DARS1: variants seen among roughly 807,000 people sequenced by gnomAD.
The protein encoded by DARS1 is aspartate--tRNA ligase, cytoplasmic.
In DARS1, 51 loss-of-function variants were observed where a neutral mutation model predicts 68.8. That is an observed-to-expected ratio of 0.74 (90% CI 0.59 to 0.94). DARS1 has a LOEUF of 0.94. DARS1 is among the 40% of genes least tolerant of loss of function. The pLI, the probability that DARS1 is intolerant of heterozygous loss-of-function variation, is 0.00. For missense variants in DARS1, 607 were observed against 597.3 expected, an observed-to-expected ratio of 1.02 and a Z score of -0.17; for synonymous variants, 203 against 190.4, an observed-to-expected ratio of 1.07 and a Z score of -0.55.
Position 135,961,436 on chromosome 2 carries a change from C to T in DARS1, c.280G>A (p.Gly94Arg). The T allele has an allele frequency of 6.5e-7, 1 of 1,546,330 alleles. No homozygotes were observed. The highest frequency in any genetic ancestry group is 8.9e-7 in the Non-Finnish European group (1 of 1,118,108). Residue 94 changes from glycine to arginine, a missense_variant, in exon 4 of 16, where the codon GGA (glycine) becomes AGA (arginine). By Grantham distance (125) the Gly-to-Arg change is moderately radical (BLOSUM62 -2). Transcript: ENST00000264161. ...QFNVQALVAV[G>R]DHASKQMVKF... ...ACCATCTGCTTGCTTGCATGGTCTCCCACCGCCACAAGAGCCTGGACATTA... is the reference window on the plus strand; with the variant it reads ...ACCATCTGCTTGCTTGCATGGTCTCTCACCGCCACAAGAGCCTGGACATTA...
intron 5 of DARS1, among the ~76,000 whole-genome samples, chr2:135,936,641 G>A (rs1054037416): frequency 6.6e-6 from 1 of 152,132 alleles, no homozygotes; most frequent in African/African-American, 2.4e-5. Context: ...ACATAAATGG[G>A]TTTATTCATT....
chr2:135,965,201 T>C (rs1371995622), intron 3 of DARS1, among the ~76,000 whole-genome samples: 1 of 152,042 alleles, frequency 6.6e-6, no homozygotes, highest in East Asian at 1.9e-4. Context: ...TATTAAACTA[T>C]ATCACGGAGG....
intron 4 of DARS1, 115 bp downstream of exon 4, chr2:135,961,281 T>A (rs906468767): frequency 1.5e-6 from 1 of 659,070 alleles, no homozygotes; most frequent in Non-Finnish European, 2.7e-6. Context: ...TTTAAATAAC[T>A]ACATTTTTAA....
At chr2:135,971,637 GA>G (rs1389834339) in intron 3 of DARS1, among the ~76,000 whole-genome samples, 1 of 152,118 alleles carries the variant, frequency 6.6e-6, no homozygotes, top group Admixed American at 6.5e-5. Context: ...AATTGGAAAG[GA>G]AGAAGTAAAA....
intron 4 of DARS1, among the ~76,000 whole-genome samples, chr2:135,957,535 T>A (rs572549814): frequency 2.6e-5 from 4 of 152,170 alleles, no homozygotes; most frequent in East Asian, 1.9e-4. Context: ...TTAAAAAAAA[T>A]TTTTTTGGTA....
At chr2:135,961,146 A>G (rs767893681) in intron 4 of DARS1, among the ~76,000 whole-genome samples, 2 of 152,176 alleles carry the variant, frequency 1.3e-5, no homozygotes, top group Non-Finnish European at 1.5e-5. Flanking sequence ...TTGTTACTCT[A>G]CTTGAAAGTA....
chr2:135,943,332 C>G (rs930717553), intron 5 of DARS1, 46 bp downstream of exon 5: 2 of 1,588,168 alleles, frequency 1.3e-6, no homozygotes, highest in Non-Finnish European at 1.7e-6. Flanking sequence ...ACTATTAGAA[C>G]CCAAATCTAT....
At chr2:135,948,500 C>T (rs992265564) in intron 4 of DARS1, among the ~76,000 whole-genome samples, 3 of 152,120 alleles carry the variant, frequency 2.0e-5, no homozygotes, top group African/African-American at 7.2e-5. Flanking sequence ...GACCAGAGCA[C>T]GTGCTAAATA....
intron 7 of DARS1, among the ~76,000 whole-genome samples, chr2:135,931,543 A>G (rs1162747015): frequency 6.6e-6 from 1 of 152,244 alleles, no homozygotes; most frequent in African/African-American, 2.4e-5. Flanking sequence ...AAACCAAGAC[A>G]GTAGTTTAGA....
In DARS1 at chr2:135,979,346, T is replaced by C. The variant is rs775039025; in HGVS notation, c.145A>G (p.Arg49Gly). The stretch of plus-strand genomic sequence containing the variant: ...TCAGCTTTTTGTATTGTCAAGTCTC[T>C]AACCCGAACCAAAACTCGATCTGTA... ...EKPDRVLVRV[R>G]DLTIQKADEV... Residue 49 changes from arginine (R) to glycine (G), a missense_variant, in exon 3 of 16, where the codon AGA becomes GGA. Physicochemically the swap from Arg to Gly is moderately radical, Grantham distance 125. Coordinates refer to ENST00000264161, the MANE Select transcript of DARS1 (RefSeq NM_001349.4). The C allele has an allele frequency of 2.1e-6, 3 of 1,456,238 alleles. No individual in the cohort carries two copies. Among genetic ancestry groups the C allele is most frequent in the East Asian group, 4.5e-5 (2 of 44,110 alleles). The allele number at this position is 1,456,238 out of a possible 1,614,324, so 90.2% of individuals were successfully genotyped here.
rs76350348 is a variant in DARS1, at chr2:135,966,091, A to G, written c.218-4593T>C. ...AGAGATAAACAGGAGCAGTGTGTACATGATCCTTTTTGTGCAAATTTAAAA... is the reference window on the plus strand; with the variant it reads ...AGAGATAAACAGGAGCAGTGTGTACGTGATCCTTTTTGTGCAAATTTAAAA... On this transcript the variant is annotated intron_variant, in intron 3 of 15. Coordinates refer to ENST00000264161, the MANE Select transcript of DARS1 (RefSeq NM_001349.4). Among the ~76,000 whole-genome samples, 1,167 of 152,274 alleles carry G rather than the reference A, an allele frequency of 7.7e-3. 11 individuals are homozygous for G. Among genetic ancestry groups the G allele is most frequent in the African/African-American group, 0.027 (1,101 of 41,546 alleles).
At chr2:135,924,326 A>G in intron 8 of DARS1, 61 bp downstream of exon 8, 1 of 1,462,544 alleles carries the variant, frequency 6.8e-7, no homozygotes, top group Non-Finnish European at 9.0e-7. Flanking sequence ...TATTAATATA[A>G]AGCAACTCTG....
intron 4 of DARS1, among the ~76,000 whole-genome samples, chr2:135,957,170 T>C (rs1681994424): frequency 6.6e-6 from 1 of 152,102 alleles, no homozygotes; most frequent in Non-Finnish European, 1.5e-5. Flanking sequence ...GCTCAGGTGA[T>C]TCTCCCACCT....
intron 8 of DARS1, among the ~76,000 whole-genome samples, chr2:135,924,156 C>T (rs182007011): frequency 6.6e-6 from 1 of 152,208 alleles, no homozygotes; most frequent in African/African-American, 2.4e-5. Flanking sequence ...GTGTTACTGC[C>T]TCACATTACA....
At chr2:135,914,143 AG>A (rs34398897) in intron 12 of DARS1, among the ~76,000 whole-genome samples, 1 of 152,202 alleles carries the variant, frequency 6.6e-6, no homozygotes, top group South Asian at 2.1e-4. Context: ...AGGGGTACAC[AG>A]GGAAGACCAT....
At chr2:135,983,557 A>G (rs1682688758) in intron 1 of DARS1, 103 bp from the exon 2 acceptor site, 1 of 561,868 alleles carries the variant, frequency 1.8e-6, no homozygotes, top group Non-Finnish European at 3.1e-6. Context: ...TTTAACTTTC[A>G]GGATCATTTT....
rs780744923 is a variant in DARS1 at position 135,985,524 on chromosome 2, A to C, written c.-56T>G. The C allele has an allele frequency of 2.5e-6, 4 of 1,613,232 alleles. No homozygotes were observed. ...CCTCCCTCGCAGGCTTCCGTAAGGC[A>C]GGCCAAAGGGGCTTCTCCCTCCCTC... On this transcript the variant is annotated 5_prime_UTR_variant, in exon 1 of 16. Coordinates refer to ENST00000264161, the MANE Select transcript of DARS1 (RefSeq NM_001349.4).
rs374367056 is a variant in DARS1 at position 135,957,352 on chromosome 2, C to T, written c.320+4044G>A. Among the ~76,000 whole-genome samples the T allele has an allele frequency of 1.9e-3, 289 of 152,138 alleles. 2 individuals are homozygous for T. The highest frequency in any genetic ancestry group is 6.5e-3 in the African/African-American group (270 of 41,490). On this transcript the variant is annotated intron_variant, in intron 4 of 15. Coordinates refer to ENST00000264161, the MANE Select transcript of DARS1 (RefSeq NM_001349.4). ...AACCGATTCTCCTGCCTCAGCCTCC[C>T]GAGTAGCTGGGACTACATGTGCCCG...
chr2:135,926,409 G>C (rs1243456135), intron 7 of DARS1, among the ~76,000 whole-genome samples: 1 of 152,012 alleles, frequency 6.6e-6, no homozygotes, highest in Non-Finnish European at 1.5e-5. Context: ...GTTTCTTCAA[G>C]GCACTTGCTA....
Sources: gnomAD v4.1 joint callset for allele counts (sites outside exome capture counted in the v4.1 genomes callset) on GRCh38, gnomAD v4.1.1 for gene constraint, MANE v1.5 for transcripts, NCBI Gene and HGNC (gene_info 2026-07-23, HGNC 2026-07-21) for gene names.